Variants in SH3RF3 observed in about 807,000 individuals in gnomAD.
SH3RF3 encodes the protein E3 ubiquitin-protein ligase SH3RF3.
Under a neutral mutation model 66.3 loss-of-function variants are expected in SH3RF3, and 29 were observed. The ratio of observed to expected loss-of-function variants is 0.44; its 90% CI spans 0.33 to 0.60. SH3RF3 has a LOEUF of 0.60. Ranked by LOEUF, SH3RF3 falls within the 20% of genes least tolerant of loss-of-function variation. The probability of loss-of-function intolerance (pLI) is 0.04; values close to 1 mark genes in which losing one functional copy is unlikely to be tolerated. For synonymous variants in SH3RF3, 583 were observed against 532.0 expected, an observed-to-expected ratio of 1.10 and a Z score of -1.32; for missense variants, 1,194 against 1,190.9, an observed-to-expected ratio of 1.00 and a Z score of -0.04.
intron 1 of SH3RF3, among the ~76,000 whole-genome samples, chr2:109,268,988 T>C (rs1680567239): frequency 6.6e-6 from 1 of 152,340 alleles, no homozygotes; most frequent in South Asian, 2.1e-4. Flanking sequence ...AGGAGGACCT[T>C]CTGAGCCCTA....
At chr2:109,205,731 C>T (rs1678794954) in intron 1 of SH3RF3, among the ~76,000 whole-genome samples, 1 of 152,204 alleles carries the variant, frequency 6.6e-6, no homozygotes, top group Admixed American at 6.5e-5. Flanking sequence ...GCACTTTGCT[C>T]ACTGGCAGGA....
intron 6 of SH3RF3, among the ~76,000 whole-genome samples, chr2:109,436,493 C>G (rs1390329704): frequency 6.6e-6 from 1 of 152,240 alleles, no homozygotes; most frequent in African/African-American, 2.4e-5. Flanking sequence ...GGCCCGCGTC[C>G]TTGCCATCCT....
intron 8 of SH3RF3, among the ~76,000 whole-genome samples, chr2:109,460,986 G>T (rs1253801102): frequency 6.6e-6 from 1 of 152,210 alleles, no homozygotes; most frequent in East Asian, 1.9e-4. Context: ...TGTGAACCAG[G>T]CTCAAGTCTT....
At chr2:109,297,586 C>T (rs1174896552) in intron 1 of SH3RF3, among the ~76,000 whole-genome samples, 2 of 149,534 alleles carry the variant, frequency 1.3e-5, no homozygotes, top group African/African-American at 2.5e-5. Context: ...GTGTCCCCAA[C>T]CCAGTCAGTG....
At chr2:109,144,113 A>T (rs1325530089) in intron 1 of SH3RF3, among the ~76,000 whole-genome samples, 4 of 152,236 alleles carry the variant, frequency 2.6e-5, no homozygotes. Flanking sequence ...TGAATTCTGG[A>T]GTTCTACTGT....
At chr2:109,473,833 CTT>C (rs939243314) in intron 8 of SH3RF3, among the ~76,000 whole-genome samples, 1 of 151,852 alleles carries the variant, frequency 6.6e-6, no homozygotes, top group African/African-American at 2.4e-5. Context: ...CAGGCTGTCT[CTT>C]TTTTGGGGTG....
chr2:109,293,988 G>T (rs766489917), intron 1 of SH3RF3, among the ~76,000 whole-genome samples: 1 of 152,190 alleles, frequency 6.6e-6, no homozygotes, highest in Non-Finnish European at 1.5e-5. Context: ...CATCCAGGGG[G>T]CAGTGCTTGG....
At chr2:109,167,131 C>T (rs910117759) in intron 1 of SH3RF3, among the ~76,000 whole-genome samples, 25 of 152,164 alleles carry the variant, frequency 1.6e-4, no homozygotes, top group Admixed American at 1.3e-3. Context: ...AGTAAGTGTT[C>T]TTTATGATAT....
At chr2:109,341,149 GAAGAA>G (rs1682545838) in intron 1 of SH3RF3, among the ~76,000 whole-genome samples, 7 of 152,200 alleles carry the variant, frequency 4.6e-5, no homozygotes, top group Admixed American at 4.6e-4. Context: ...GAAACTGACA[GAAGAA>G]AAGAGGGGAC....
intron 9 of SH3RF3, among the ~76,000 whole-genome samples, chr2:109,499,754 C>G (rs920803986): frequency 1.3e-5 from 2 of 152,166 alleles, no homozygotes; most frequent in African/African-American, 4.8e-5. Context: ...GATAGCAGAG[C>G]AGGGGGGTGT....
chr2:109,371,513 A>G, intron 2 of SH3RF3, 73 bp from the exon 3 acceptor site: 1 of 1,292,930 alleles, frequency 7.7e-7, no homozygotes, highest in Non-Finnish European at 1.1e-6. Flanking sequence ...CACAGTACTA[A>G]CCAGTGTCTT....
At chr2:109,403,916 G>A (rs1490203047) in intron 4 of SH3RF3, among the ~76,000 whole-genome samples, 1 of 152,238 alleles carries the variant, frequency 6.6e-6, no homozygotes, top group African/African-American at 2.4e-5. Context: ...TGGAGTGAGG[G>A]CGTGCGTGCG....
At chr2:109,381,376 G>T (rs1675661964) in intron 3 of SH3RF3, among the ~76,000 whole-genome samples, 1 of 152,178 alleles carries the variant, frequency 6.6e-6, no homozygotes, top group African/African-American at 2.4e-5. Context: ...CAATGGCGGG[G>T]TTACTTTTAC....
intron 1 of SH3RF3, among the ~76,000 whole-genome samples, chr2:109,173,380 T>C (rs1677834005): frequency 6.6e-6 from 1 of 152,150 alleles, no homozygotes; most frequent in Admixed American, 6.5e-5. Flanking sequence ...GTCTATCGTG[T>C]GACTGTTTCA....
intron 1 of SH3RF3, among the ~76,000 whole-genome samples, chr2:109,246,542 G>T (rs1679921069): frequency 1.3e-5 from 2 of 152,206 alleles, no homozygotes; most frequent in Admixed American, 1.3e-4. Context: ...ATACTCCAAG[G>T]AATATCATGC....
intron 4 of SH3RF3, among the ~76,000 whole-genome samples, chr2:109,400,728 G>A (rs887273045): frequency 1.3e-5 from 2 of 152,208 alleles, no homozygotes; most frequent in Admixed American, 1.3e-4. Context: ...ACAAACGCTG[G>A]CTCTCATCGG....
At chr2:109,474,401 C>T (rs545704770) in intron 8 of SH3RF3, among the ~76,000 whole-genome samples, 8 of 152,158 alleles carry the variant, frequency 5.3e-5, no homozygotes, top group African/African-American at 1.9e-4. Flanking sequence ...AGCTCTCCCC[C>T]TAACAGAGAA....
chr2:109,158,386 T>A (rs137865275), intron 1 of SH3RF3, among the ~76,000 whole-genome samples: 1 of 152,312 alleles, frequency 6.6e-6, no homozygotes, highest in African/African-American at 2.4e-5. Context: ...AGTGTGTAAG[T>A]GCAGGAGTCT....
chr2:109,498,924 G>C (rs1234000058), intron 9 of SH3RF3, among the ~76,000 whole-genome samples: 1 of 152,204 alleles, frequency 6.6e-6, no homozygotes, highest in Non-Finnish European at 1.5e-5. Context: ...GGGTGCACCT[G>C]GGGTCGCTAG....
Sources: gnomAD v4.1 joint callset for allele counts (sites outside exome capture counted in the v4.1 genomes callset) on GRCh38, gnomAD v4.1.1 for gene constraint, MANE v1.5 for transcripts, NCBI Gene and HGNC (gene_info 2026-07-23, HGNC 2026-07-21) for gene names.